Variants in GFM1 observed in about 807,000 individuals in gnomAD.
The protein encoded by GFM1 is elongation factor G, mitochondrial.
In GFM1, 62 loss-of-function variants were observed where a neutral mutation model predicts 96.2. The ratio of observed to expected loss-of-function variants is 0.64; its 90% CI spans 0.53 to 0.80. The LOEUF (loss-of-function observed/expected upper bound fraction) is 0.80, where lower values mean the gene tolerates loss of function less well. Among genes scored for constraint, GFM1 ranks in the 30% least tolerant of loss-of-function variants. GFM1 has a pLI of 0.00. For synonymous variants in GFM1, 282 were observed against 312.9 expected (o/e 0.90, Z 1.04); for missense variants, 852 against 916.6 (o/e 0.93, Z 0.91).
At chr3:158,655,432 C>T (rs1041829674) in intron 8 of GFM1, among the ~76,000 whole-genome samples, 8 of 150,214 alleles carry the variant, frequency 5.3e-5, no homozygotes, top group South Asian at 2.1e-4. Context: ...TGCAGTGAGC[C>T]GAGATCGCAC....
intron 13 of GFM1, among the ~76,000 whole-genome samples, chr3:158,680,751 T>C (rs1364525817): frequency 6.6e-6 from 1 of 152,192 alleles, no homozygotes; most frequent in Non-Finnish European, 1.5e-5. Flanking sequence ...TATAAGGTGC[T>C]TAACATAAGC....
intron 13 of GFM1, among the ~76,000 whole-genome samples, chr3:158,674,621 G>C (rs561942634): frequency 2.0e-5 from 3 of 152,242 alleles, no homozygotes; most frequent in South Asian, 4.1e-4. Context: ...ATTTGTCTAA[G>C]AGCATTTTAA....
chr3:158,691,155 T>C lies in GFM1; in HGVS notation c.2087T>C (p.Met696Thr). 1 of 1,612,010 alleles carries C rather than the reference T, an allele frequency of 6.2e-7. No homozygotes were observed. Among genetic ancestry groups the C allele is most frequent in the Non-Finnish European group, 8.5e-7 (1 of 1,178,122 alleles). Residue 696 changes from methionine to threonine, a missense_variant, in exon 17 of 18, where the codon ATG becomes ACG. Coordinates refer to ENST00000486715, the MANE Select transcript of GFM1 (RefSeq NM_024996.7). Reference sequence around the variant, plus strand: ...TGTTTTCAGGTCCCTCTAAATGATATGTTTGGTTATTCCACTGAACTTAGG... The same window carrying C: ...TGTTTTCAGGTCCCTCTAAATGATACGTTTGGTTATTCCACTGAACTTAGG... ...TLYADVPLND[M>T]FGYSTELRSC...
chr3:158,669,964 C>T (rs1045336712), intron 13 of GFM1, among the ~76,000 whole-genome samples: 2 of 152,068 alleles, frequency 1.3e-5, no homozygotes, highest in African/African-American at 4.8e-5. Context: ...AAAGTTTTTC[C>T]ATTACTCTTA....
chr3:158,644,748 A>C (rs1351560574), intron 1 of GFM1, 33 bp downstream of exon 1: 1 of 1,531,978 alleles, frequency 6.5e-7, no homozygotes, highest in African/African-American at 1.4e-5. Context: ...AATCGGGACC[A>C]TTCCCGGAAC....
In GFM1 at chr3:158,659,052, T is replaced by C. The variant is rs766491659; in HGVS notation, c.1214T>C (p.Met405Thr). ...CGGCTGGCTCGCATGCATGCCGACA[T>C]GATGGAGGCAAGTACAGAGTCATTG... ...LQRLARMHAD[M>T]MEDVEEVYAG... Residue 405 changes from methionine (M) to threonine (T), a missense_variant, in exon 9 of 18, where the codon ATG becomes ACG. Transcript: ENST00000486715. The C allele has an allele frequency of 1.3e-5, 21 of 1,614,030 alleles. No homozygotes were observed. The highest frequency in any genetic ancestry group is 1.8e-5 in the Non-Finnish European group (21 of 1,180,026).
At chr3:158,670,112 T>A (rs962370893) in intron 13 of GFM1, among the ~76,000 whole-genome samples, 2 of 152,236 alleles carry the variant, frequency 1.3e-5, no homozygotes, top group African/African-American at 4.8e-5. Flanking sequence ...TTTTAATGAA[T>A]CTCTTTATGA....
intron 13 of GFM1, among the ~76,000 whole-genome samples, chr3:158,674,925 G>A (rs913721634): frequency 6.6e-6 from 1 of 152,128 alleles, no homozygotes; most frequent in Non-Finnish European, 1.5e-5. Context: ...AAATCATTGT[G>A]CTTTAAAAAA....
chr3:158,659,324 A>G (rs1723010236), intron 9 of GFM1, among the ~76,000 whole-genome samples: 1 of 152,188 alleles, frequency 6.6e-6, no homozygotes, highest in Non-Finnish European at 1.5e-5. Context: ...CAGTTCCCCA[A>G]CACTCAGAAT....
At chr3:158,689,154 C>T (rs991915544) in intron 15 of GFM1, among the ~76,000 whole-genome samples, 1 of 152,154 alleles carries the variant, frequency 6.6e-6, no homozygotes, top group Non-Finnish European at 1.5e-5. Flanking sequence ...TTATTATATT[C>T]TCTCCATATT....
In GFM1 at chr3:158,691,586, G is replaced by A. The variant is rs886058122; in HGVS notation, c.*119G>A. ...AAGAAATTCTGAGCCCAGGAAGCGG[G>A]CTCTTCTTTCTTCAAAAGAAGCCCT... On this transcript the variant is annotated 3_prime_UTR_variant, in exon 18 of 18. Coordinates refer to ENST00000486715, the MANE Select transcript of GFM1 (RefSeq NM_024996.7). 5.3e-6 allele frequency: 6 copies of A among 1,141,906 alleles called. No individual in the cohort carries two copies. The highest frequency in any genetic ancestry group is 1.8e-5 in the Admixed American group (1 of 54,116). 70.7% of individuals were successfully genotyped at this position (1,141,906 alleles called of 1,614,324 possible).
chr3:158,665,397 A>C lies in GFM1; in HGVS notation c.1441A>C (p.Lys481Gln). Residue 481 changes from lysine (K) to glutamine (Q), a missense_variant, in exon 12 of 18, where the codon AAA (lysine) becomes CAA (glutamine). Coordinates refer to ENST00000486715, the MANE Select transcript of GFM1 (RefSeq NM_024996.7). ...GRFTREDPTFKVYFDTENKET... is the reference protein window; with the variant it reads ...GRFTREDPTFQVYFDTENKET... ...GTTTACAAGAGAAGATCCCACATTT[A>C]AAGTATACTTTGACACTGAGAACAA... is the stretch of plus-strand genomic sequence containing the variant. 1 of 1,609,558 alleles carries C rather than the reference A, an allele frequency of 6.2e-7. No homozygotes were observed. The highest frequency in any genetic ancestry group is 8.5e-7 in the Non-Finnish European group (1 of 1,176,274).
At position 158,659,170 on chromosome 3, in the gene GFM1, C is replaced by T. The variant is rs931598542; in HGVS notation, c.1221+111C>T. 3.5e-5 allele frequency: 43 copies of T among 1,241,958 alleles called. No homozygotes were observed. In the African/African-American group the frequency reaches 5.9e-4, roughly 17 times the overall value. The allele number at this position is 1,241,958 out of a possible 1,614,324, so 76.9% of individuals were successfully genotyped here. A position where few individuals can be genotyped will look rare whatever the true frequency, so the allele number is the denominator to read the frequency against. ...ATTAATTCTGGTTAAATATATGTTT[C>T]TAGTTTCTTTCTACTTAAATGTGTT... is the stretch of plus-strand genomic sequence containing the variant. On this transcript the variant is annotated intron_variant, in intron 9 of 17. Transcript: ENST00000486715.
At chr3:158,673,815 C>T (rs1724613936) in intron 13 of GFM1, among the ~76,000 whole-genome samples, 1 of 152,026 alleles carries the variant, frequency 6.6e-6, no homozygotes, top group Non-Finnish European at 1.5e-5. Flanking sequence ...GGACCTTTAA[C>T]TTGGTAGTAA....
In GFM1 at chr3:158,682,152, G is replaced by A. The variant is rs1725442584; in HGVS notation, c.1759G>A (p.Glu587Lys). 1 of 1,612,810 alleles carries A rather than the reference G, an allele frequency of 6.2e-7. No homozygotes were observed. Among genetic ancestry groups the A allele is most frequent in the Non-Finnish European group, 8.5e-7 (1 of 1,179,246 alleles). ...TCCAAAGCAGTTTGTGCCTGCTGTA[G>A]AAAAGGTAAATTTTTAAAAAAGTGT... ...NIPKQFVPAV[E>K]KGFLDACEKG... The change falls in exon 14 of 18, where the codon GAA becomes AAA. Residue 587 changes from glutamate to lysine, a missense_variant. Transcript: ENST00000486715.
chr3:158,682,225 A>G, intron 14 of GFM1, 68 bp downstream of exon 14: 1 of 1,297,700 alleles, frequency 7.7e-7, no homozygotes, highest in Non-Finnish European at 1.1e-6. Context: ...ATTAAATCAT[A>G]CTTTGTCTTC....
At chr3:158,677,907 C>G (rs1213481105) in intron 13 of GFM1, among the ~76,000 whole-genome samples, 1 of 152,186 alleles carries the variant, frequency 6.6e-6, no homozygotes, top group Non-Finnish European at 1.5e-5. Flanking sequence ...TTCAAATCTT[C>G]AAAAGACAGG....
intron 16 of GFM1, 103 bp from the exon 17 acceptor site, chr3:158,691,036 A>C: frequency 1.3e-6 from 1 of 786,348 alleles, no homozygotes; most frequent in Non-Finnish European, 2.3e-6. Flanking sequence ...AGTAGTGAGC[A>C]GAAATCTTAA....
At chr3:158,652,455 T>G (rs1722376445) in intron 6 of GFM1, among the ~76,000 whole-genome samples, 1 of 152,204 alleles carries the variant, frequency 6.6e-6, no homozygotes, top group Non-Finnish European at 1.5e-5. Flanking sequence ...GAAAAGTTAT[T>G]GAGGACCCTT....
Sources: allele counts gnomAD v4.1 joint callset (sites outside exome capture counted in the v4.1 genomes callset), GRCh38; gene constraint gnomAD v4.1.1; transcripts MANE v1.5; gene names NCBI Gene and HGNC (gene_info 2026-07-23, HGNC 2026-07-21).